The following AK9 variants were observed in gnomAD, a reference collection of about 807,000 sequenced individuals.
AK9 encodes the protein adenylate kinase 9, also known as adenylate kinase domain containing 1.
In AK9, 191 loss-of-function variants were observed where a neutral mutation model predicts 239.6. The observed-to-expected ratio is 0.80, with a 90% confidence interval of 0.71 to 0.90. The LOEUF (loss-of-function observed/expected upper bound fraction) is 0.90. Among genes scored for constraint, AK9 ranks in the 40% least tolerant of loss-of-function variants. The pLI is 0.00. For synonymous variants in AK9, 689 were observed against 721.0 expected (o/e 0.96, Z 0.71); for missense variants, 1,995 against 2,214.7 (o/e 0.90, Z 1.99).
intron 12 of AK9, among the ~76,000 whole-genome samples, chr6:109,619,835 C>G (rs1794612159): frequency 6.6e-6 from 1 of 152,084 alleles, no homozygotes; most frequent in Non-Finnish European, 1.5e-5. Flanking sequence ...GCTTTCATTC[C>G]TGGCCCCTGG....
chr6:109,602,232 T>C (rs1462727754), intron 17 of AK9, among the ~76,000 whole-genome samples: 2 of 152,216 alleles, frequency 1.3e-5, no homozygotes, highest in Admixed American at 1.3e-4. Context: ...TTTCCATGTT[T>C]AGTGCTTCCT....
chr6:109,621,893 T>TAAAAAAAAAAAAAAAAAAAAA (rs59405869), intron 12 of AK9, among the ~76,000 whole-genome samples: 1 of 55,534 alleles, frequency 1.8e-5, no homozygotes, highest in African/African-American at 9.3e-5. Context: ...AAAGTATAAT[T>TAAAAAAAAAAAAAAAAAAAAA]AAAAAAAAAA....
rs931947320 is a variant in AK9, at chr6:109,604,781, G to A, written c.1842+5584C>T. On this transcript the variant is annotated intron_variant, in intron 17 of 40. Coordinates refer to ENST00000424296, the MANE Select transcript of AK9 (RefSeq NM_001145128.3). Reference sequence around the variant, plus strand: ...GAACTGTATCAAATCTATAAATTGAGAAAGATACCTTAATAAGATTTTATC... The same window carrying A: ...GAACTGTATCAAATCTATAAATTGAAAAAGATACCTTAATAAGATTTTATC... 2.8e-4 allele frequency among the ~76,000 whole-genome samples: 42 copies of A among 152,120 alleles called. 1 individual carries two copies. Among genetic ancestry groups the A allele is most frequent in the African/African-American group, 9.7e-4 (40 of 41,428 alleles).
intron 12 of AK9, among the ~76,000 whole-genome samples, chr6:109,627,536 T>TATG (rs1795686549): frequency 6.6e-6 from 1 of 152,374 alleles, no homozygotes; most frequent in Non-Finnish European, 1.5e-5. Flanking sequence ...TAACTTGTGC[T>TATG]ATGATGCTAC....
intron 28 of AK9, among the ~76,000 whole-genome samples, chr6:109,532,944 CTTCT>C: frequency 6.6e-6 from 1 of 152,224 alleles, no homozygotes. Context: ...TGAAATTTTA[CTTCT>C]TTGTGTTTCA....
chr6:109,556,733 T>C (rs1277242950), intron 24 of AK9, among the ~76,000 whole-genome samples: 1 of 151,932 alleles, frequency 6.6e-6, no homozygotes, highest in Non-Finnish European at 1.5e-5. Flanking sequence ...TATTGTTGTC[T>C]GCAGGTCTTA....
At chr6:109,600,164 A>G in intron 17 of AK9, among the ~76,000 whole-genome samples, 1 of 152,166 alleles carries the variant, frequency 6.6e-6, no homozygotes, top group Non-Finnish European at 1.5e-5. Context: ...CCAGTTTTCA[A>G]AGGGAATGCT....
chr6:109,677,446 C>T (rs1317354506), intron 1 of AK9, among the ~76,000 whole-genome samples: 3 of 151,800 alleles, frequency 2.0e-5, no homozygotes, highest in Non-Finnish European at 4.4e-5. Context: ...AAGAAAAAAC[C>T]ATAATATATT....
At chr6:109,529,212 C>T (rs1037314655) in intron 28 of AK9, 139 bp from the exon 29 acceptor site, 41 of 953,448 alleles carry the variant, frequency 4.3e-5, no homozygotes, top group African/African-American at 3.3e-4. Flanking sequence ...GATGTGATGG[C>T]GGTAATCATG....
chr6:109,540,390 G>T (rs986540409), intron 27 of AK9, among the ~76,000 whole-genome samples: 20 of 152,204 alleles, frequency 1.3e-4, no homozygotes, highest in African/African-American at 4.8e-4. Context: ...GTGGGTGTGG[G>T]ACCCTCTGAG....
intron 8 of AK9, among the ~76,000 whole-genome samples, chr6:109,651,594 C>G (rs571611888): frequency 6.6e-6 from 1 of 152,124 alleles, no homozygotes; most frequent in East Asian, 1.9e-4. Flanking sequence ...GAGACAGAGA[C>G]ACATAAAACT....
At chr6:109,690,020 T>C (rs900983526) in intron 1 of AK9, among the ~76,000 whole-genome samples, 1 of 152,224 alleles carries the variant, frequency 6.6e-6, no homozygotes, top group African/African-American at 2.4e-5. Flanking sequence ...CAAAATAACA[T>C]AGACTTAAGT....
At position 109,638,815 on chromosome 6, in the gene AK9, C is replaced by T. The variant is rs574389714; in HGVS notation, c.933+2703G>A. Among the ~76,000 whole-genome samples the T allele has an allele frequency of 3.0e-4, 45 of 152,228 alleles. 1 individual carries two copies. The highest frequency in any genetic ancestry group is 6.8e-3 in the Middle Eastern group (2 of 294). ...ATCCCTCCCCCAGATCCCCACCCCA[C>T]GACAGGCCATGTTGTGTGATGTTCC... is the stretch of plus-strand genomic sequence containing the variant. On this transcript the variant is annotated intron_variant, in intron 10 of 40. Transcript: ENST00000424296.
intron 17 of AK9, among the ~76,000 whole-genome samples, chr6:109,596,965 AC>A (rs893071079): frequency 6.6e-6 from 1 of 152,122 alleles, no homozygotes; most frequent in African/African-American, 2.4e-5. Context: ...AAACAAATAA[AC>A]CTTAATTTGT....
intron 6 of AK9, chr6:109,660,869 T>C (rs1407736630): frequency 9.2e-6 from 4 of 434,222 alleles, no homozygotes; most frequent in African/African-American, 6.1e-5. Flanking sequence ...CTGGGTGCTG[T>C]TGGAACTGGG....
At chr6:109,495,041 T>C (rs1026761683) in intron 39 of AK9, among the ~76,000 whole-genome samples, 29 of 152,276 alleles carry the variant, frequency 1.9e-4, no homozygotes, top group African/African-American at 7.0e-4. Flanking sequence ...TTCACAGACA[T>C]TGAAATTCAA....
At chr6:109,512,427 C>T (rs1778846620) in intron 32 of AK9, among the ~76,000 whole-genome samples, 1 of 152,156 alleles carries the variant, frequency 6.6e-6, no homozygotes, top group African/African-American at 2.4e-5. Context: ...TCCTAATAAA[C>T]TTGCTTTCAC....
intron 21 of AK9, among the ~76,000 whole-genome samples, chr6:109,566,371 C>A (rs1015363016): frequency 6.6e-6 from 1 of 151,910 alleles, no homozygotes; most frequent in African/African-American, 2.4e-5. Context: ...ACAAAATCGA[C>A]GAAGCAAAAG....
At chr6:109,641,428 T>C in intron 10 of AK9, 90 bp downstream of exon 10, 1 of 945,710 alleles carries the variant, frequency 1.1e-6, no homozygotes, top group East Asian at 2.9e-5. Context: ...GCTCCAGTGA[T>C]CCTCCCATGG....
Sources: gnomAD v4.1 joint callset for allele counts (sites outside exome capture counted in the v4.1 genomes callset) on GRCh38, gnomAD v4.1.1 for gene constraint, MANE v1.5 for transcripts, NCBI Gene and HGNC (gene_info 2026-07-23, HGNC 2026-07-21) for gene names.